Variants in PGLYRP4 observed in about 807,000 individuals in gnomAD.
The protein encoded by PGLYRP4 is peptidoglycan recognition protein 4.
Under a neutral mutation model 41.2 loss-of-function variants are expected in PGLYRP4, and 39 were observed. The observed-to-expected ratio is 0.95, with a 90% CI of 0.73 to 1.24. The LOEUF is 1.24. Ranked by LOEUF, PGLYRP4 falls within the 50% of genes most tolerant of loss-of-function variation. The pLI is 0.00. For synonymous variants in PGLYRP4, 202 were observed against 186.8 expected (o/e 1.08, Z -0.66); for missense variants, 467 against 460.7 (o/e 1.01, Z -0.13).
chr1:153,337,018 C>A (rs966408267), intron 8 of PGLYRP4, among the ~76,000 whole-genome samples, 163 bp downstream of exon 8: 2 of 152,174 alleles, frequency 1.3e-5, no homozygotes, highest in African/African-American at 4.8e-5. Context: ...CTGGGGGTCA[C>A]CTCTGGTCAC....
chr1:153,348,039 C>T, intron 1 of PGLYRP4, 61 bp from the exon 2 acceptor site: 1 of 920,856 alleles, frequency 1.1e-6, no homozygotes, highest in East Asian at 2.7e-5. Flanking sequence ...CATCCCAAAC[C>T]CTGACTGCAG....
chr1:153,335,125 C>A (rs2480220), intron 8 of PGLYRP4, among the ~76,000 whole-genome samples: 129,276 of 152,174 alleles, frequency 0.85, 54,944 homozygotes, highest in Middle Eastern at 0.87. Context: ...CTCTTCTGGA[C>A]ATGGGCCTAG....
rs536231867 is a variant in PGLYRP4 at position 153,341,670 on chromosome 1, G to A, written c.582C>T (p.Gly194=). 85 of 1,613,614 alleles carry A rather than the reference G, an allele frequency of 5.3e-5. No individual in the cohort carries two copies. The Middle Eastern group carries it at 5.3e-4, about 10-fold the overall frequency. ...TCTGCCGAGGGGCCAGGCAGTTCTC[G>A]CCTTTCCCAAGAAGTGGCTGAACAT... is the stretch of plus-strand genomic sequence containing the variant. ...SSYVQPLLGK[G]ENCLAPRQKT... is the part of the protein sequence containing the mutation. The change falls in exon 6 of 9, where the codon GGC becomes GGT. Residue 194 remains glycine (G), a synonymous_variant. Transcript: ENST00000359650.
chr1:153,332,638 A>T (rs993391041), intron 8 of PGLYRP4, among the ~76,000 whole-genome samples: 2 of 152,186 alleles, frequency 1.3e-5, no homozygotes, highest in African/African-American at 4.8e-5. Context: ...GCCACAAAGC[A>T]AGCCTCAATA....
chr1:153,339,349 C>G (rs572658803), intron 7 of PGLYRP4, among the ~76,000 whole-genome samples: 1 of 152,328 alleles, frequency 6.6e-6, no homozygotes, highest in South Asian at 2.1e-4. Flanking sequence ...GGAAGGTTTT[C>G]TCCTATCTTG....
chr1:153,346,756 T>C (rs1036169480), intron 2 of PGLYRP4, among the ~76,000 whole-genome samples: 20 of 152,370 alleles, frequency 1.3e-4, no homozygotes, highest in Non-Finnish European at 2.9e-5. Flanking sequence ...TAGGCTGGAC[T>C]CTGATTGACA....
chr1:153,343,783 C>T (rs1660894196), intron 4 of PGLYRP4, among the ~76,000 whole-genome samples: 2 of 152,018 alleles, frequency 1.3e-5, no homozygotes, highest in South Asian at 2.1e-4. Context: ...TCATGTATTT[C>T]AAGGAAATCA....
chr1:153,345,049 A>ATT lies in PGLYRP4; in HGVS notation c.353+118_353+119dup, dbSNP rs1660944673. On this transcript the variant is annotated intron_variant, in intron 4 of 8. Coordinates refer to ENST00000359650, the MANE Select transcript of PGLYRP4 (RefSeq NM_020393.4). ...CATGGGGGTTTTAAATATTTTATTC[A>ATT]TTATAAAACATATAGGACCACAACC... 4 of 720,746 alleles carry ATT rather than the reference A, an allele frequency of 5.5e-6. No individual in the cohort carries two copies. The South Asian group carries it at 7.4e-5, about 13-fold the overall frequency. The allele number at this position is 720,746 out of a possible 1,614,324, so 44.6% of individuals were successfully genotyped here. A position where few individuals can be genotyped will look rare whatever the true frequency, so the allele number is the denominator to read the frequency against.
Position 153,340,449 on chromosome 1 carries a change from G to A in PGLYRP4, c.756C>T (p.Cys252=). The A allele has an allele frequency of 6.2e-7, 1 of 1,614,186 alleles. No homozygotes were observed. The highest frequency in any genetic ancestry group is 8.5e-7 in the Non-Finnish European group (1 of 1,180,032). Reference sequence around the variant, plus strand: ...ACTGGATGTCCCGGACCAGCAGGCGGCACTCATCAGAAATGTTGCAGGTCC... The same window carrying A: ...ACTGGATGTCCCGGACCAGCAGGCGACACTCATCAGAAATGTTGCAGGTCC... ...AGRTCNISDE[C]RLLVRDIQSF... The change falls in exon 7 of 9, where the codon TGC becomes TGT. Residue 252 remains cysteine, a synonymous_variant. Transcript: ENST00000359650.
rs567352848 is a variant in PGLYRP4 at position 153,342,153 on chromosome 1, C to G, written c.473-374G>C. Among the ~76,000 whole-genome samples the G allele has an allele frequency of 2.6e-5, 4 of 152,282 alleles. No individual in the cohort carries two copies. The South Asian group carries it at 6.2e-4, about 24-fold the overall frequency. The stretch of plus-strand genomic sequence containing the variant: ...TAACTCATTTAATCAGCAGCACAAA[C>G]CTCTGAGAGATGCTATTATTAACTG... On this transcript the variant is annotated intron_variant, in intron 5 of 8. Transcript: ENST00000359650.
chr1:153,334,200 G>A (rs1660445136), intron 8 of PGLYRP4, among the ~76,000 whole-genome samples: 1 of 151,784 alleles, frequency 6.6e-6, no homozygotes, highest in Non-Finnish European at 1.5e-5. Context: ...AATTTCAGTA[G>A]TTTCAAGATA....
At chr1:153,345,507 G>T in intron 3 of PGLYRP4, 125 bp from the exon 4 acceptor site, 1 of 764,356 alleles carries the variant, frequency 1.3e-6, no homozygotes, top group Non-Finnish European at 2.2e-6. Flanking sequence ...AGGTGCACCT[G>T]CCCTGCCCAC....
rs559375773 is a variant in PGLYRP4, at chr1:153,332,589, C to T, written c.944-1644G>A. ...ATGTTAGAATATATATTCATCTCTT[C>T]TGCACACAGAACAGTCTCAAAAATA... On this transcript the variant is annotated intron_variant, in intron 8 of 8. Coordinates refer to ENST00000359650, the MANE Select transcript of PGLYRP4 (RefSeq NM_020393.4). Among the ~76,000 whole-genome samples, 20 of 152,248 alleles carry T rather than the reference C, an allele frequency of 1.3e-4. No individual in the cohort carries two copies. In the South Asian group the frequency reaches 3.9e-3, roughly 30 times the overall value.
chr1:153,337,537 T>C (rs1660620307), intron 7 of PGLYRP4, among the ~76,000 whole-genome samples: 1 of 152,152 alleles, frequency 6.6e-6, no homozygotes, highest in Non-Finnish European at 1.5e-5. Flanking sequence ...CATATGCTGA[T>C]TTCTGTGGTG....
intron 7 of PGLYRP4, among the ~76,000 whole-genome samples, chr1:153,337,597 G>T (rs1232281176): frequency 6.6e-6 from 1 of 152,094 alleles, no homozygotes; most frequent in Non-Finnish European, 1.5e-5. Flanking sequence ...TTAACAACCA[G>T]CTCTCAAAAT....
rs138524731 is a variant in PGLYRP4 at position 153,341,208 on chromosome 1, C to T, written c.625+419G>A. Among the ~76,000 whole-genome samples the T allele has an allele frequency of 7.4e-3, 1,130 of 152,314 alleles. 12 individuals are homozygous for T. Among genetic ancestry groups the T allele is most frequent in the Middle Eastern group, 0.01 (3 of 294 alleles). On this transcript the variant is annotated intron_variant, in intron 6 of 8. Coordinates refer to ENST00000359650, the MANE Select transcript of PGLYRP4 (RefSeq NM_020393.4). The stretch of plus-strand genomic sequence containing the variant: ...TCCCTTTCCATTGTTTCCTCCCTTG[C>T]ACTTTTCTCCATATAACATCCCAAT...
Position 153,346,200 on chromosome 1 carries a change from G to C in PGLYRP4, c.50-9C>G. ...GTTCCAGGAGGAATCACCTGCAAAG[G>C]AATATCCCATTTTGCATCAGAGAGC... On this transcript the variant is annotated splice_polypyrimidine_tract_variant and intron_variant, in intron 2 of 8. Coordinates refer to ENST00000359650, the MANE Select transcript of PGLYRP4 (RefSeq NM_020393.4). The C allele has an allele frequency of 6.2e-7, 1 of 1,606,684 alleles. No individual in the cohort carries two copies. Among genetic ancestry groups the C allele is most frequent in the Non-Finnish European group, 8.5e-7 (1 of 1,173,292 alleles).
At chr1:153,345,710 C>A (rs1457447599) in intron 3 of PGLYRP4, among the ~76,000 whole-genome samples, 1 of 152,226 alleles carries the variant, frequency 6.6e-6, no homozygotes, top group African/African-American at 2.4e-5. Flanking sequence ...GGCTTGGTGT[C>A]ACCTCAGCAT....
At chr1:153,348,177 A>T (rs1661097780) in intron 1 of PGLYRP4, among the ~76,000 whole-genome samples, 199 bp from the exon 2 acceptor site, 1 of 152,186 alleles carries the variant, frequency 6.6e-6, no homozygotes, top group Non-Finnish European at 1.5e-5. Context: ...CGAGGAACTC[A>T]ATTTCATCAC....
Sources: allele counts gnomAD v4.1 joint callset (sites outside exome capture counted in the v4.1 genomes callset), GRCh38; gene constraint gnomAD v4.1.1; transcripts MANE v1.5; gene names NCBI Gene and HGNC (gene_info 2026-07-23, HGNC 2026-07-21).